The following PDE3B variants were observed in gnomAD, a reference collection of about 807,000 sequenced individuals.
PDE3B encodes cGMP-inhibited 3',5'-cyclic phosphodiesterase 3B.
Under a neutral mutation model 116.8 loss-of-function variants are expected in PDE3B, and 66 were observed. The observed-to-expected ratio is 0.56, with a 90% CI of 0.46 to 0.69. The LOEUF (loss-of-function observed/expected upper bound fraction) is 0.69. PDE3B is among the 30% of genes least tolerant of loss of function. The pLI is 0.00. For missense variants in PDE3B, 1,384 were observed against 1,368.1 expected, an observed-to-expected ratio of 1.01 and a Z score of -0.18; for synonymous variants, 595 against 533.6, an observed-to-expected ratio of 1.12 and a Z score of -1.59.
In PDE3B at chr11:14,673,910, A is replaced by G. The variant is rs761717316; in HGVS notation, c.978+28857A>G. The stretch of plus-strand genomic sequence containing the variant: ...ATTCTTTTATCCCTGCCACAACTTC[A>G]TTAACCGCATACTCCTTATTATCTG... On this transcript the variant is annotated intron_variant, in intron 1 of 15. Transcript: ENST00000282096. 7 of 1,437,732 alleles carry G rather than the reference A, an allele frequency of 4.9e-6. No individual in the cohort carries two copies. In the East Asian group the frequency reaches 9.1e-5, roughly 19 times the overall value. 89.1% of individuals were successfully genotyped at this position (1,437,732 alleles called of 1,614,324 possible). A position where few individuals can be genotyped will look rare whatever the true frequency, so the allele number is the denominator to read the frequency against.
At position 14,818,183 on chromosome 11, in the gene PDE3B, G is replaced by A. The variant is rs757444409; in HGVS notation, c.1523G>A (p.Gly508Asp). 12 of 1,592,700 alleles carry A rather than the reference G, an allele frequency of 7.5e-6. No individual in the cohort carries two copies. In the Admixed American group the frequency reaches 1.7e-4, roughly 22 times the overall value. The part of the protein sequence containing the change: ...LTHHVGLRRA[G>D]VLSSLSPVNS... ...ATCTCCTTTCTTTTAATTTTTAAAG[G>A]TGTTTTGTCCAGTCTGAGTCCTGTG... The change falls in exon 6 of 16, where the codon GGT becomes GAT. Residue 508 changes from glycine (G) to aspartate (D), a missense_variant and splice_region_variant. Physicochemically the swap from Gly to Asp is moderately conservative, Grantham distance 94 (BLOSUM62 -1). Transcript: ENST00000282096.
At chr11:14,881,877 C>T in the PDE3B span, among the ~76,000 whole-genome samples, 1 of 152,064 alleles carries the variant, frequency 6.6e-6, no homozygotes, top group Non-Finnish European at 1.5e-5. Context: ...TTATAGGTTA[C>T]CCAGCCTCGG....
At chr11:14,866,199 A>G (rs565064119) in intron 14 of PDE3B, among the ~76,000 whole-genome samples, 141 of 152,338 alleles carry the variant, frequency 9.3e-4, no homozygotes, top group Non-Finnish European at 1.7e-3. Context: ...AATTTCATAT[A>G]TATCACTAAA....
rs772213772 is a variant in PDE3B, at chr11:14,694,936, C to T, written c.978+49883C>T. ...TGCATATACTGTAAGGTATATTAGT[C>T]TCAGATATACTACTCAGTGAATATT... On this transcript the variant is annotated intron_variant, in intron 1 of 15. Transcript: ENST00000282096. Among the ~76,000 whole-genome samples, 49 of 152,016 alleles carry T rather than the reference C, an allele frequency of 3.2e-4. 1 individual carries two copies. Among genetic ancestry groups the T allele is most frequent in the African/African-American group, 4.6e-4 (19 of 41,380 alleles).
At chr11:14,788,531 A>C (rs1335901450) in intron 3 of PDE3B, among the ~76,000 whole-genome samples, 1 of 151,990 alleles carries the variant, frequency 6.6e-6, no homozygotes, top group Non-Finnish European at 1.5e-5. Context: ...TAAAACACTT[A>C]TTTATAATGG....
chr11:14,761,464 TTATTTTATGC>T (rs1277490370), intron 1 of PDE3B, among the ~76,000 whole-genome samples: 1 of 152,196 alleles, frequency 6.6e-6, no homozygotes, highest in Non-Finnish European at 1.5e-5. Flanking sequence ...TCAGATTTTA[TTATTTTATGC>T]TATTTTTTAC....
intron 1 of PDE3B, among the ~76,000 whole-genome samples, chr11:14,766,329 G>T (rs1297117503): frequency 6.6e-6 from 1 of 151,462 alleles, no homozygotes; most frequent in East Asian, 1.9e-4. Context: ...TTTTTTGGCT[G>T]TTGGTTCTGA....
At chr11:14,798,653 A>AGACTTGGGAGGGTCC (rs1459493538) in intron 4 of PDE3B, among the ~76,000 whole-genome samples, 1 of 152,158 alleles carries the variant, frequency 6.6e-6, no homozygotes, top group African/African-American at 2.4e-5. Context: ...TTCCTGGTTT[A>AGACTTGGGAGGGTCC]GACTTGGGAG....
chr11:14,682,123 G>A (rs550472627), intron 1 of PDE3B, among the ~76,000 whole-genome samples: 2 of 152,130 alleles, frequency 1.3e-5, no homozygotes, highest in African/African-American at 2.4e-5. Flanking sequence ...TATCATAAAG[G>A]TCTTCATCCT....
chr11:14,723,920 A>T lies in PDE3B; in HGVS notation c.979-48017A>T, dbSNP rs918592329. ...AAGATATGCATGGGCCAGACTAGCA[A>T]GGCCTTGGAAGGTGATGTTTTATTC... On this transcript the variant is annotated intron_variant, in intron 1 of 15. Transcript: ENST00000282096. Among the ~76,000 whole-genome samples the T allele has an allele frequency of 2.5e-4, 38 of 152,248 alleles. 1 individual carries two copies.
At chr11:14,722,046 A>T (rs1015123639) in intron 1 of PDE3B, among the ~76,000 whole-genome samples, 1 of 151,880 alleles carries the variant, frequency 6.6e-6, no homozygotes, top group African/African-American at 2.4e-5. Flanking sequence ...AGTCTCAGCA[A>T]ACTATCGCCA....
At chr11:14,695,067 G>C (rs1485153377) in intron 1 of PDE3B, among the ~76,000 whole-genome samples, 1 of 152,098 alleles carries the variant, frequency 6.6e-6, no homozygotes, top group East Asian at 1.9e-4. Context: ...ACTACCTTCT[G>C]TAGGTATCCA....
At chr11:14,801,277 T>C (rs1183833347) in intron 4 of PDE3B, among the ~76,000 whole-genome samples, 5 of 152,102 alleles carry the variant, frequency 3.3e-5, no homozygotes, top group Non-Finnish European at 5.9e-5. Context: ...TTTCTCCCCA[T>C]CTTTGTGGAT....
At chr11:14,816,325 G>C (rs987856776) in intron 5 of PDE3B, among the ~76,000 whole-genome samples, 1 of 152,110 alleles carries the variant, frequency 6.6e-6, no homozygotes, top group Non-Finnish European at 1.5e-5. Context: ...TGACACCATC[G>C]CACACATCTG....
At chr11:14,893,369 T>C in the PDE3B span, among the ~76,000 whole-genome samples, 2 of 152,218 alleles carry the variant, frequency 1.3e-5, no homozygotes, top group South Asian at 2.1e-4. Context: ...GAAGATGACA[T>C]TGGAGCTGAG....
In PDE3B at chr11:14,737,261, T is replaced by G. The variant is rs143037286; in HGVS notation, c.979-34676T>G. ...CAGGCTGGACTGCAGTGGTGCAATCTTGGCTCACTGCAATCTCGGCCTCCC... is the reference window on the plus strand; with the variant it reads ...CAGGCTGGACTGCAGTGGTGCAATCGTGGCTCACTGCAATCTCGGCCTCCC... On this transcript the variant is annotated intron_variant, in intron 1 of 15. Transcript: ENST00000282096. Among the ~76,000 whole-genome samples the G allele has an allele frequency of 8.6e-3, 1,314 of 152,146 alleles. 16 individuals are homozygous for G. Among genetic ancestry groups the G allele is most frequent in the African/African-American group, 0.03 (1,255 of 41,504 alleles).
At chr11:14,675,184 G>A (rs1036915187) in intron 1 of PDE3B, among the ~76,000 whole-genome samples, 3 of 152,090 alleles carry the variant, frequency 2.0e-5, no homozygotes. Context: ...AACCTTTTAG[G>A]CCTTAAGTCA....
chr11:14,733,836 C>T (rs1317408578), intron 1 of PDE3B, among the ~76,000 whole-genome samples: 1 of 151,952 alleles, frequency 6.6e-6, no homozygotes, highest in Non-Finnish European at 1.5e-5. Context: ...CTAATTTAGC[C>T]ATGAACACAG....
At chr11:14,800,375 G>T (rs561913199) in intron 4 of PDE3B, among the ~76,000 whole-genome samples, 1 of 152,156 alleles carries the variant, frequency 6.6e-6, no homozygotes, top group Non-Finnish European at 1.5e-5. Flanking sequence ...TGAGGCAGGA[G>T]AATTGCTTGA....
Sources: gnomAD v4.1 joint callset for allele counts (sites outside exome capture counted in the v4.1 genomes callset) on GRCh38, gnomAD v4.1.1 for gene constraint, MANE v1.5 for transcripts, NCBI Gene and HGNC (gene_info 2026-07-23, HGNC 2026-07-21) for gene names.